The following PIK3C2G variants were observed in gnomAD, a reference collection of about 807,000 sequenced individuals.
PIK3C2G encodes the protein phosphatidylinositol-4-phosphate 3-kinase catalytic subunit type 2 gamma.
PIK3C2G carries 168 observed loss-of-function variants against 181.1 expected under a neutral mutation model. That is an observed-to-expected ratio of 0.93 (90% CI 0.82 to 1.05). PIK3C2G has a LOEUF of 1.05. Among genes scored for constraint, PIK3C2G ranks in the 50% least tolerant of loss-of-function variants. The pLI is 0.00. For missense variants in PIK3C2G, 1,869 were observed against 1,732.8 expected, an observed-to-expected ratio of 1.08 and a Z score of -1.40; for synonymous variants, 573 against 592.2, an observed-to-expected ratio of 0.97 and a Z score of 0.47.
At chr12:18,389,077 G>A (rs1421099324) in intron 14 of PIK3C2G, among the ~76,000 whole-genome samples, 2 of 152,168 alleles carry the variant, frequency 1.3e-5, no homozygotes, top group Admixed American at 6.5e-5. Context: ...TTGAAGCCAG[G>A]TGCGGTGGCT....
intron 2 of PIK3C2G, among the ~76,000 whole-genome samples, chr12:18,286,065 T>G (rs1282091599): frequency 6.6e-6 from 1 of 151,946 alleles, no homozygotes; most frequent in African/African-American, 2.4e-5. Flanking sequence ...CAGGGCTGAG[T>G]ACTATTAGAG....
intron 9 of PIK3C2G, among the ~76,000 whole-genome samples, chr12:18,342,025 A>G (rs957574397): frequency 3.9e-5 from 6 of 152,134 alleles, no homozygotes; most frequent in African/African-American, 1.4e-4. Flanking sequence ...GAACTCACAT[A>G]ATTTAATTTC....
At chr12:18,609,803 G>T (rs1283093577) in intron 31 of PIK3C2G, among the ~76,000 whole-genome samples, 174 bp downstream of exon 31, 1 of 151,780 alleles carries the variant, frequency 6.6e-6, no homozygotes, top group Non-Finnish European at 1.5e-5. Flanking sequence ...TGATCCTTGG[G>T]GTAAAGACTC....
upstream of PIK3C2G, among the ~76,000 whole-genome samples, chr12:18,246,932 G>A (rs10840992): frequency 0.43 from 65,458 of 151,968 alleles, 14,656 homozygotes; most frequent in East Asian, 0.75. Flanking sequence ...CTATTATAAC[G>A]AGAATAATTT....
At chr12:18,478,320 T>C (rs1032143070) in intron 18 of PIK3C2G, among the ~76,000 whole-genome samples, 4 of 152,190 alleles carry the variant, frequency 2.6e-5, no homozygotes, top group Non-Finnish European at 5.9e-5. Flanking sequence ...TCTTTTCTGC[T>C]ACATTTTGAG....
intron 18 of PIK3C2G, among the ~76,000 whole-genome samples, chr12:18,451,982 A>T (rs2135892673): frequency 6.6e-6 from 1 of 152,182 alleles, no homozygotes; most frequent in East Asian, 1.9e-4. Context: ...CCAGTATTCT[A>T]CTGAGGATTT....
chr12:18,356,296 C>A (rs1940719841), intron 11 of PIK3C2G, among the ~76,000 whole-genome samples: 1 of 152,144 alleles, frequency 6.6e-6, no homozygotes, highest in African/African-American at 2.4e-5. Flanking sequence ...GACCCCTTCA[C>A]AGGATTCATG....
chr12:18,358,827 T>C (rs1384455721), intron 11 of PIK3C2G: 1 of 202,560 alleles, frequency 4.9e-6, no homozygotes, highest in African/African-American at 2.3e-5. Context: ...CCATACTCTC[T>C]GCAGAGTTGA....
intron 16 of PIK3C2G, among the ~76,000 whole-genome samples, chr12:18,409,853 A>G (rs1409971318): frequency 1.3e-5 from 2 of 152,286 alleles, no homozygotes; most frequent in Admixed American, 1.3e-4. Context: ...GGGAGGCCTC[A>G]GGAAACTTAC....
At chr12:18,649,044 A>T (rs1253595063), downstream of PIK3C2G, among the ~76,000 whole-genome samples, 1 of 152,088 alleles carries the variant, frequency 6.6e-6, no homozygotes, top group African/African-American at 2.4e-5. Flanking sequence ...ATGAGCTGAT[A>T]TGGGCTCATT....
chr12:18,650,726 A>ATATATATC (rs1950466011), downstream of PIK3C2G, among the ~76,000 whole-genome samples: 1 of 21,534 alleles, frequency 4.6e-5, no homozygotes, highest in South Asian at 1.1e-3. Flanking sequence ...ATATATATAT[A>ATATATATC]TATATATATA....
At chr12:18,378,536 G>C (rs1942613102) in intron 13 of PIK3C2G, among the ~76,000 whole-genome samples, 1 of 152,134 alleles carries the variant, frequency 6.6e-6, no homozygotes, top group South Asian at 2.1e-4. Flanking sequence ...TTAAACTAAA[G>C]AGCTTCGGCA....
intron 8 of PIK3C2G, among the ~76,000 whole-genome samples, chr12:18,331,473 A>C (rs1030320863): frequency 2.0e-5 from 3 of 152,038 alleles, no homozygotes; most frequent in African/African-American, 7.2e-5. Flanking sequence ...TTTGTTACTA[A>C]TACGTGGGAG....
intron 19 of PIK3C2G, among the ~76,000 whole-genome samples, chr12:18,490,081 C>A (rs1592390478): frequency 6.6e-6 from 1 of 151,912 alleles, no homozygotes; most frequent in East Asian, 1.9e-4. Context: ...TACTTTTGTA[C>A]TTAAAAAAGC....
downstream of PIK3C2G, among the ~76,000 whole-genome samples, chr12:18,650,347 ATGTGTGTGTG>A (rs71064013): frequency 0.018 from 2,021 of 114,544 alleles, 33 homozygotes; most frequent in African/African-American, 0.034. Context: ...ATATATATAT[ATGTGTGTGTG>A]TGTGTGTGTG....
At chr12:18,701,874 A>T in the PIK3C2G span, 1 of 1,497,492 alleles carries the variant, frequency 6.7e-7, no homozygotes. Flanking sequence ...CAATTAGCCT[A>T]CAGTAATAAG....
At chr12:18,325,154 C>G in intron 8 of PIK3C2G, 56 bp downstream of exon 8, 1 of 973,860 alleles carries the variant, frequency 1.0e-6, no homozygotes, top group Non-Finnish European at 1.6e-6. Context: ...AACGCATCTA[C>G]TATTTTTCTA....
chr12:18,285,724 T>C (rs1379735785), intron 2 of PIK3C2G, among the ~76,000 whole-genome samples: 1 of 150,042 alleles, frequency 6.7e-6, no homozygotes, highest in Non-Finnish European at 1.5e-5. Context: ...TAGAAGAAAA[T>C]CTAAAAATGC....
At chr12:18,340,933 G>A (rs1407143465) in intron 9 of PIK3C2G, among the ~76,000 whole-genome samples, 2 of 152,086 alleles carry the variant, frequency 1.3e-5, no homozygotes, top group African/African-American at 2.4e-5. Flanking sequence ...GTTGGCCCTT[G>A]TCACCTCATG....
Sources: allele counts gnomAD v4.1 joint callset (sites outside exome capture counted in the v4.1 genomes callset), GRCh38; gene constraint gnomAD v4.1.1; transcripts MANE v1.5; gene names NCBI Gene and HGNC (gene_info 2026-07-23, HGNC 2026-07-21).